NLGN1: variants seen among roughly 807,000 people sequenced by gnomAD.
NLGN1 encodes neuroligin-1.
Under a neutral mutation model 65.5 loss-of-function variants are expected in NLGN1, and 12 were observed. The ratio of observed to expected loss-of-function variants is 0.18; its 90% CI spans 0.12 to 0.30. The LOEUF is 0.30. Among genes scored for constraint, NLGN1 ranks in the 10% least tolerant of loss-of-function variants. The probability of loss-of-function intolerance (pLI) is 1.00; values close to 1 mark genes in which losing one functional copy is unlikely to be tolerated. For synonymous variants in NLGN1, 350 were observed against 359.5 expected, an observed-to-expected ratio of 0.97 and a Z score of 0.30; for missense variants, 750 against 1,007.1, an observed-to-expected ratio of 0.74 and a Z score of 3.46.
exon 3 of NLGN1, chr3:173,604,460 A>AAGATCTTTC (rs1416809477): frequency 1.1e-6 from 1 of 888,546 alleles, no homozygotes; most frequent in African/African-American, 1.7e-5. Flanking sequence ...CTGCTGTCTG[A>AAGATCTTTC]AGATCTTTCA....
chr3:173,491,656 A>G (rs1325042586), intron 2 of NLGN1, among the ~76,000 whole-genome samples: 1 of 151,674 alleles, frequency 6.6e-6, no homozygotes, highest in Admixed American at 6.6e-5. Context: ...CATGTCTGCT[A>G]ATACTGTCTG....
intron 4 of NLGN1, among the ~76,000 whole-genome samples, chr3:174,088,976 G>A (rs939160487): frequency 2.0e-5 from 3 of 151,694 alleles, no homozygotes; most frequent in East Asian, 1.9e-4. Context: ...TAAAAACTCC[G>A]ATCTCTTTTT....
intron 2 of NLGN1, among the ~76,000 whole-genome samples, chr3:173,531,986 C>A (rs1298160836): frequency 6.6e-6 from 1 of 152,228 alleles, no homozygotes; most frequent in East Asian, 1.9e-4. Flanking sequence ...ATTTCAACTC[C>A]TACTATTACT....
intron 3 of NLGN1, among the ~76,000 whole-genome samples, chr3:173,805,937 C>T (rs984409136): frequency 6.6e-6 from 1 of 152,100 alleles, no homozygotes; most frequent in Non-Finnish European, 1.5e-5. Flanking sequence ...TGAATGAATA[C>T]TATTTTTTTC....
chr3:173,749,339 G>T (rs1775995101), intron 3 of NLGN1, among the ~76,000 whole-genome samples: 1 of 151,902 alleles, frequency 6.6e-6, no homozygotes, highest in Non-Finnish European at 1.5e-5. Context: ...AGCCCTATTG[G>T]CCCCAGGCAG....
At chr3:173,466,160 T>C (rs1724312330) in intron 2 of NLGN1, among the ~76,000 whole-genome samples, 1 of 152,126 alleles carries the variant, frequency 6.6e-6, no homozygotes, top group African/African-American at 2.4e-5. Flanking sequence ...CATTGAGCAA[T>C]TGTGGTATAG....
chr3:174,145,886 A>G (rs79838093), intron 4 of NLGN1, among the ~76,000 whole-genome samples: 2,207 of 152,336 alleles, frequency 0.014, 63 homozygotes, highest in African/African-American at 0.049. Context: ...GGAGGGAGCA[A>G]TGTGCCATAG....
chr3:173,802,535 G>T (rs928689160), intron 3 of NLGN1, among the ~76,000 whole-genome samples: 1 of 152,136 alleles, frequency 6.6e-6, no homozygotes, highest in African/African-American at 2.4e-5. Flanking sequence ...AAATTTCAGA[G>T]CATTTTTAAC....
At chr3:173,927,078 T>A (rs1241973126) in intron 4 of NLGN1, among the ~76,000 whole-genome samples, 1 of 152,166 alleles carries the variant, frequency 6.6e-6, no homozygotes, top group Admixed American at 6.6e-5. Flanking sequence ...TTTTCTTTCT[T>A]TTGAAATGGA....
chr3:174,233,347 G>A (rs1290069476), intron 4 of NLGN1, among the ~76,000 whole-genome samples: 1 of 151,962 alleles, frequency 6.6e-6, no homozygotes, highest in Non-Finnish European at 1.5e-5. Flanking sequence ...TTAGCTGGGA[G>A]TGGTGGCGCA....
intron 2 of NLGN1, among the ~76,000 whole-genome samples, chr3:173,505,892 C>T (rs1380639173): frequency 6.6e-6 from 1 of 152,038 alleles, no homozygotes; most frequent in Admixed American, 6.6e-5. Flanking sequence ...TGCTGTACAA[C>T]ACCCAAAATA....
At chr3:173,441,083 A>G (rs73032451) in intron 2 of NLGN1, among the ~76,000 whole-genome samples, 1,655 of 152,260 alleles carry the variant, frequency 0.011, 33 homozygotes, top group African/African-American at 0.039. Context: ...CTCATGAACC[A>G]GTCTCTGCTA....
chr3:173,579,642 G>A (rs779396314), intron 2 of NLGN1, among the ~76,000 whole-genome samples: 1 of 152,204 alleles, frequency 6.6e-6, no homozygotes, highest in Admixed American at 6.5e-5. Context: ...TACCAGTCAA[G>A]CATTTTAAGT....
At chr3:173,823,144 A>G (rs1256030564) in intron 4 of NLGN1, among the ~76,000 whole-genome samples, 1 of 152,048 alleles carries the variant, frequency 6.6e-6, no homozygotes, top group Admixed American at 6.6e-5. Flanking sequence ...CAACTTCTAT[A>G]GATTAAAAAT....
chr3:173,503,448 A>T (rs1340295574), intron 2 of NLGN1, among the ~76,000 whole-genome samples: 1 of 152,102 alleles, frequency 6.6e-6, no homozygotes, highest in East Asian at 1.9e-4. Flanking sequence ...AGCATGAGAT[A>T]ATGTGCAAAC....
exon 3 of NLGN1, chr3:173,604,701 G>A: frequency 6.2e-7 from 1 of 1,613,690 alleles, no homozygotes; most frequent in Non-Finnish European, 8.5e-7. Flanking sequence ...CTGTATGTTG[G>A]GATGTTTGCT....
intron 1 of NLGN1, among the ~76,000 whole-genome samples, chr3:173,423,132 C>G (rs1358968623): frequency 6.6e-6 from 1 of 152,122 alleles, no homozygotes; most frequent in Non-Finnish European, 1.5e-5. Context: ...TTTAAACCAT[C>G]AGATCTCACG....
At chr3:173,959,034 G>C (rs1244813107) in intron 4 of NLGN1, among the ~76,000 whole-genome samples, 1 of 152,210 alleles carries the variant, frequency 6.6e-6, no homozygotes, top group Non-Finnish European at 1.5e-5. Flanking sequence ...AGGCACTTTG[G>C]ACCCTGCAAG....
chr3:174,002,652 G>T (rs375561279), intron 4 of NLGN1, among the ~76,000 whole-genome samples: 1 of 152,056 alleles, frequency 6.6e-6, no homozygotes, highest in African/African-American at 2.4e-5. Context: ...CCTTTAGTTT[G>T]TATCTCTTGG....
Sources: gnomAD v4.1 joint callset for allele counts (sites outside exome capture counted in the v4.1 genomes callset) on GRCh38, gnomAD v4.1.1 for gene constraint, MANE v1.5 for transcripts, NCBI Gene and HGNC (gene_info 2026-07-23, HGNC 2026-07-21) for gene names.